Variants in RBPJ observed in about 807,000 individuals in gnomAD.
The protein encoded by RBPJ is recombining binding protein suppressor of hairless.
Under a neutral mutation model 67.8 loss-of-function variants are expected in RBPJ, and 9 were observed. The ratio of observed to expected loss-of-function variants is 0.13; its 90% CI spans 0.08 to 0.23. The LOEUF (loss-of-function observed/expected upper bound fraction) is 0.23, where lower values mean the gene tolerates loss of function less well. RBPJ is among the 10% of genes least tolerant of loss of function. The probability of loss-of-function intolerance (pLI) is 1.00; values close to 1 mark genes in which losing one functional copy is unlikely to be tolerated. For synonymous variants in RBPJ, 198 were observed against 203.3 expected (o/e 0.97, Z 0.22); for missense variants, 305 against 595.6 (o/e 0.51, Z 5.08).
At chr4:26,318,726 C>A (rs539668311), upstream of RBPJ, among the ~76,000 whole-genome samples, 1 of 152,064 alleles carries the variant, frequency 6.6e-6, no homozygotes, top group Non-Finnish European at 1.5e-5. Context: ...CTGCCAGGCG[C>A]GGTGGCTCAC....
rs765161799 is a variant in RBPJ, at chr4:26,373,915, CTTTTTTTTTTT to C, written c.21-12428_21-12418del. Among the ~76,000 whole-genome samples the C allele has an allele frequency of 4.4e-5, 5 of 113,344 alleles. No homozygotes were observed. The South Asian group carries it at 8.5e-4, about 19-fold the overall frequency. The allele number at this position is 113,344 out of a possible 152,430, so 74.4% of individuals were successfully genotyped here. A position where few individuals can be genotyped will look rare whatever the true frequency, so the allele number is the denominator to read the frequency against. The stretch of plus-strand genomic sequence containing the variant: ...TTTGTGTTTACAGCTTTATTTTTTA[CTTTTTTTTTTT>C]TTTTTTTTTGGAGATGGAGTCTTGC... On this transcript the variant is annotated intron_variant, in intron 1 of 10. Coordinates refer to ENST00000355476, the MANE Select transcript of RBPJ (RefSeq NM_015874.6).
chr4:26,409,052 G>T (rs893675097), intron 3 of RBPJ, among the ~76,000 whole-genome samples: 2 of 152,124 alleles, frequency 1.3e-5, no homozygotes, highest in African/African-American at 4.8e-5. Flanking sequence ...CTGGATTTTT[G>T]AAGATGCATT....
chr4:26,270,207 G>T (rs962061039), intron 1 of RBPJ, among the ~76,000 whole-genome samples: 3 of 149,864 alleles, frequency 2.0e-5, no homozygotes, highest in African/African-American at 7.4e-5. Context: ...GCTTGACCAG[G>T]GAGGCAGAGG....
At chr4:26,131,931 A>T in the RBPJ span, among the ~76,000 whole-genome samples, 1 of 152,218 alleles carries the variant, frequency 6.6e-6, no homozygotes, top group Non-Finnish European at 1.5e-5. Context: ...ATCCCCGAGG[A>T]AGTACCAAGA....
upstream of RBPJ, among the ~76,000 whole-genome samples, chr4:26,316,850 T>G (rs1262498159): frequency 1.4e-5 from 2 of 141,326 alleles, no homozygotes; most frequent in South Asian, 2.2e-4. Flanking sequence ...TTTTTTTTTT[T>G]TTTTGCAAAA....
At chr4:26,412,296 T>C (rs1734114463) in intron 3 of RBPJ, among the ~76,000 whole-genome samples, 1 of 152,080 alleles carries the variant, frequency 6.6e-6, no homozygotes, top group Admixed American at 6.5e-5. Flanking sequence ...ACAGTGGCAC[T>C]ATCTTGGCTC....
At chr4:26,273,023 C>T (rs1199425727) in intron 1 of RBPJ, among the ~76,000 whole-genome samples, 3 of 151,974 alleles carry the variant, frequency 2.0e-5, no homozygotes, top group Non-Finnish European at 4.4e-5. Context: ...TTCTTTCACT[C>T]CAAGTTTTTC....
intron 1 of RBPJ, among the ~76,000 whole-genome samples, chr4:26,346,408 C>G (rs1330127966): frequency 6.6e-6 from 1 of 152,156 alleles, no homozygotes; most frequent in Non-Finnish European, 1.5e-5. Context: ...GCTGCCTAAT[C>G]TTATTATGCA....
the RBPJ span, among the ~76,000 whole-genome samples, chr4:26,110,573 T>C: frequency 6.6e-6 from 1 of 152,232 alleles, no homozygotes; most frequent in Non-Finnish European, 1.5e-5. The surrounding 1 kb of genome is among the most constrained non-coding windows in gnomAD (Gnocchi z 4.5). Flanking sequence ...TAATTTGGCA[T>C]GCACAAACAG....
rs910483549 is a variant in RBPJ, at chr4:26,244,309, A to G, written c.-167+80695A>G. On this transcript the variant is annotated intron_variant, in intron 1 of 4. Coordinates refer to the RBPJ transcript ENST00000512351. ...TATGTATACACATATGTGTACACAT[A>G]TGTGTGTATATGTATACACATATGT... Among the ~76,000 whole-genome samples, 19 of 77,114 alleles carry G rather than the reference A, an allele frequency of 2.5e-4. 1 individual carries two copies. The highest frequency in any genetic ancestry group is 4.8e-4 in the African/African-American group (10 of 20,854). The allele number at this position is 77,114 out of a possible 152,430, so 50.6% of individuals were successfully genotyped here.
chr4:26,270,581 G>C (rs973849610), intron 1 of RBPJ, among the ~76,000 whole-genome samples: 1 of 152,044 alleles, frequency 6.6e-6, no homozygotes, highest in African/African-American at 2.4e-5. Context: ...CAGAATCTTT[G>C]GGGTTGGGAA....
chr4:26,308,121 A>G (rs1420219367), intron 1 of RBPJ, among the ~76,000 whole-genome samples: 1 of 152,122 alleles, frequency 6.6e-6, no homozygotes, highest in Non-Finnish European at 1.5e-5. Flanking sequence ...CTAAAAATAC[A>G]AAAAATTAGC....
At chr4:26,411,336 C>T (rs1457916838) in intron 3 of RBPJ, among the ~76,000 whole-genome samples, 1 of 151,264 alleles carries the variant, frequency 6.6e-6, no homozygotes, top group Non-Finnish European at 1.5e-5. Context: ...TACCCCACTC[C>T]CTTTAGTTTC....
chr4:26,421,073 C>T (rs1735087566), intron 5 of RBPJ, among the ~76,000 whole-genome samples: 2 of 152,046 alleles, frequency 1.3e-5, no homozygotes, highest in African/African-American at 4.8e-5. Context: ...GTTCCCATTC[C>T]ACAAAGAATT....
intron 1 of RBPJ, among the ~76,000 whole-genome samples, chr4:26,379,730 C>G (rs2109594581): frequency 6.6e-6 from 1 of 152,220 alleles, no homozygotes; most frequent in South Asian, 2.1e-4. Context: ...TCAACCACCA[C>G]ACCTGCCTAA....
chr4:26,422,193 A>G lies in RBPJ; in HGVS notation c.496+1468A>G, dbSNP rs1469964139. On this transcript the variant is annotated intron_variant, in intron 5 of 10. Coordinates refer to ENST00000355476, the MANE Select transcript of RBPJ (RefSeq NM_015874.6). ...ATTTATTTCCATTGGATTGGAAGTCATAATATCTGATTATCCCCTTTTTTT... is the reference window on the plus strand; with the variant it reads ...ATTTATTTCCATTGGATTGGAAGTCGTAATATCTGATTATCCCCTTTTTTT... 3.7e-4 allele frequency among the ~76,000 whole-genome samples: 51 copies of G among 137,178 alleles called. 1 individual carries two copies. In the Admixed American group the frequency reaches 3.9e-3, roughly 11 times the overall value. 90.0% of individuals were successfully genotyped at this position (137,178 alleles called of 152,430 possible).
At chr4:26,184,633 T>C (rs574400468) in intron 1 of RBPJ, among the ~76,000 whole-genome samples, 1 of 151,794 alleles carries the variant, frequency 6.6e-6, no homozygotes, top group South Asian at 2.1e-4. Context: ...GGAGGCTGAG[T>C]CAAGTTTTGG....
At chr4:26,232,791 G>C (rs1719334844) in intron 1 of RBPJ, among the ~76,000 whole-genome samples, 1 of 152,158 alleles carries the variant, frequency 6.6e-6, no homozygotes, top group Admixed American at 6.5e-5. Context: ...CAAATGGCTT[G>C]GATCTCTCTG....
At chr4:26,298,174 A>G (rs1721950231) in intron 1 of RBPJ, among the ~76,000 whole-genome samples, 1 of 151,956 alleles carries the variant, frequency 6.6e-6, no homozygotes, top group Admixed American at 6.6e-5. Context: ...TTTTTCAAAC[A>G]CTAATCCTTG....
Sources: gnomAD v4.1 joint callset for allele counts (sites outside exome capture counted in the v4.1 genomes callset) on GRCh38, gnomAD v4.1.1 for gene constraint, Gnocchi (gnomAD v3.1) non-coding constraint, MANE v1.5 for transcripts, NCBI Gene and HGNC (gene_info 2026-07-23, HGNC 2026-07-21) for gene names.